Variants in TAF3 observed in about 807,000 individuals in gnomAD.
The protein encoded by TAF3 is TATA-box binding protein associated factor 3, also known as transcription initiation factor TFIID subunit 3.
Under a neutral mutation model 80.6 loss-of-function variants are expected in TAF3, and 7 were observed. The ratio of observed to expected loss-of-function variants is 0.09; its 90% CI spans 0.05 to 0.16. The LOEUF is 0.16. Among genes scored for constraint, TAF3 ranks in the 10% least tolerant of loss-of-function variants. The probability of loss-of-function intolerance (pLI) is 1.00; values close to 1 mark genes in which losing one functional copy is unlikely to be tolerated. For missense variants in TAF3, 921 were observed against 1,140.2 expected, an observed-to-expected ratio of 0.81 and a Z score of 2.77; for synonymous variants, 444 against 446.1, an observed-to-expected ratio of 1.00 and a Z score of 0.06.
At position 8,014,797 on chromosome 10, in the gene TAF3, C is replaced by T. The variant is rs1481018387; in HGVS notation, c.*46C>T. ...CAAGCGGGGTCAGCCCGGGCTTCTT[C>T]CCTGGCGCCTCTGGAAGGGAGCTGG... On this transcript the variant is annotated 3_prime_UTR_variant, in exon 7 of 7. Coordinates refer to ENST00000344293, the MANE Select transcript of TAF3 (RefSeq NM_031923.4). 4 of 1,508,978 alleles carry T rather than the reference C, an allele frequency of 2.7e-6. No homozygotes were observed. The highest frequency in any genetic ancestry group is 4.2e-5 in the Admixed American group (2 of 47,082). 93.5% of individuals were successfully genotyped at this position (1,508,978 alleles called of 1,614,324 possible). A position where few individuals can be genotyped will look rare whatever the true frequency, so the allele number is the denominator to read the frequency against.
At chr10:7,984,689 A>C (rs769437722) in intron 4 of TAF3, among the ~76,000 whole-genome samples, 1 of 152,340 alleles carries the variant, frequency 6.6e-6, no homozygotes, top group Admixed American at 6.5e-5. Flanking sequence ...TTCTCTCCGC[A>C]GTGTTATCAA....
At chr10:7,833,633 C>A in intron 2 of TAF3, 1 of 168,016 alleles carries the variant, frequency 6.0e-6, no homozygotes. Context: ...TTTCAACATC[C>A]TGTTCTGTAG....
intron 2 of TAF3, among the ~76,000 whole-genome samples, 187 bp from the exon 3 acceptor site, chr10:7,963,733 A>G (rs1418245939): frequency 3.9e-5 from 6 of 152,058 alleles, no homozygotes; most frequent in Admixed American, 6.5e-5. Flanking sequence ...GGGTGCAGCA[A>G]ATTAACAGGG....
At chr10:7,845,317 C>CGT (rs199972101) in intron 2 of TAF3, among the ~76,000 whole-genome samples, 3 of 151,484 alleles carry the variant, frequency 2.0e-5, no homozygotes, top group Admixed American at 6.6e-5. Context: ...TGTGTGTGTG[C>CGT]GTGTGTGTGT....
chr10:7,963,510 C>G (rs773228009), intron 2 of TAF3, among the ~76,000 whole-genome samples: 1 of 152,158 alleles, frequency 6.6e-6, no homozygotes, highest in Non-Finnish European at 1.5e-5. Context: ...TCCTTGAAAA[C>G]TAACTTACTT....
chr10:7,823,615 A>G (rs1836710581), intron 1 of TAF3, among the ~76,000 whole-genome samples: 1 of 151,410 alleles, frequency 6.6e-6, no homozygotes, highest in South Asian at 2.1e-4. Context: ...CAGCCTGGGC[A>G]ACAAGCAAGA....
chr10:7,826,559 G>A (rs1368577580), intron 2 of TAF3, among the ~76,000 whole-genome samples: 1 of 152,020 alleles, frequency 6.6e-6, no homozygotes, highest in Non-Finnish European at 1.5e-5. Flanking sequence ...AACTCATTTA[G>A]TTTTATGCAA....
intron 2 of TAF3, among the ~76,000 whole-genome samples, chr10:7,940,548 T>TG (rs1161406855): frequency 1.3e-5 from 2 of 152,162 alleles, no homozygotes; most frequent in Non-Finnish European, 2.9e-5. Context: ...GAAACAGCCG[T>TG]GGAGATTTGA....
chr10:7,983,213 T>C (rs958809088), intron 4 of TAF3, among the ~76,000 whole-genome samples: 11 of 152,190 alleles, frequency 7.2e-5, no homozygotes, highest in African/African-American at 2.4e-4. Context: ...GCCTCCGTTA[T>C]CAGCCCCCGT....
chr10:7,915,715 C>T (rs945799393), intron 2 of TAF3, among the ~76,000 whole-genome samples: 7 of 150,226 alleles, frequency 4.7e-5, no homozygotes, highest in Non-Finnish European at 7.4e-5. Context: ...CAGTGGCTCA[C>T]GCTTGTAATC....
At chr10:7,953,626 T>C (rs1457494945) in intron 2 of TAF3, among the ~76,000 whole-genome samples, 2 of 152,230 alleles carry the variant, frequency 1.3e-5, no homozygotes, top group Non-Finnish European at 2.9e-5. Flanking sequence ...TTGATGTGGC[T>C]CCGTGTGTAC....
chr10:7,943,052 T>G (rs879233767), intron 2 of TAF3, among the ~76,000 whole-genome samples: 4 of 152,226 alleles, frequency 2.6e-5, no homozygotes, highest in Admixed American at 2.6e-4. Flanking sequence ...TGTCTGTGTT[T>G]GTTTACTCCC....
chr10:7,839,360 A>G (rs1836887312), intron 2 of TAF3, among the ~76,000 whole-genome samples: 1 of 152,016 alleles, frequency 6.6e-6, no homozygotes, highest in Admixed American at 6.6e-5. Context: ...CTCATTCTCC[A>G]TTTCACCATT....
intron 3 of TAF3, among the ~76,000 whole-genome samples, chr10:7,972,744 T>A (rs895247354): frequency 6.6e-6 from 1 of 152,232 alleles, no homozygotes; most frequent in Non-Finnish European, 1.5e-5. Context: ...CATTTCTTGA[T>A]TCCTTTGTCC....
intron 2 of TAF3, among the ~76,000 whole-genome samples, chr10:7,866,753 C>T (rs987658764): frequency 7.0e-4 from 106 of 152,148 alleles, no homozygotes; most frequent in African/African-American, 2.4e-3. Context: ...CCTAGAAAGC[C>T]CAATTAGAGG....
intron 4 of TAF3, among the ~76,000 whole-genome samples, chr10:7,992,500 G>GCACATTTTCCCCTAAGAA (rs1554788408): frequency 6.6e-6 from 1 of 152,038 alleles, no homozygotes; most frequent in Non-Finnish European, 1.5e-5. Flanking sequence ...AGTTCAAGGT[G>GCACATTTTCCCCTAAGAA]ATTACTCCCA....
Position 8,016,007 on chromosome 10 carries a change from G to T in TAF3, c.*1256G>T, listed in dbSNP as rs976061427. On this transcript the variant is annotated 3_prime_UTR_variant, in exon 7 of 7. Transcript: ENST00000344293. ...TTAAGAAAACTCATCAAATTTCAGG[G>T]TATCACAAAACTTTATTATATTATT... The T allele has an allele frequency of 1.3e-5, 2 of 151,846 alleles. No homozygotes were observed. The highest frequency in any genetic ancestry group is 2.9e-5 in the Non-Finnish European group (2 of 67,972). 9.4% of individuals were successfully genotyped at this position (151,846 alleles called of 1,614,324 possible).
chr10:7,965,833 G>A, intron 3 of TAF3, 91 bp downstream of exon 3: 1 of 1,386,360 alleles, frequency 7.2e-7, no homozygotes, highest in Non-Finnish European at 9.4e-7. Flanking sequence ...TGTATTCTGG[G>A]TGTAAATCAC....
At chr10:8,007,461 A>G (rs948969054) in intron 4 of TAF3, among the ~76,000 whole-genome samples, 10 of 151,174 alleles carry the variant, frequency 6.6e-5, no homozygotes, top group Non-Finnish European at 1.3e-4. Context: ...GCTCTGGGGC[A>G]GGGAAGGAAG....
Sources: allele counts gnomAD v4.1 joint callset (sites outside exome capture counted in the v4.1 genomes callset), GRCh38; gene constraint gnomAD v4.1.1; transcripts MANE v1.5; gene names NCBI Gene and HGNC (gene_info 2026-07-23, HGNC 2026-07-21).